Variants in XAB2 observed in about 807,000 individuals in gnomAD.
XAB2 encodes XPA binding protein 2.
Under a neutral mutation model 113.4 loss-of-function variants are expected in XAB2, and 57 were observed. The observed-to-expected ratio is 0.50, with a 90% CI of 0.41 to 0.63. XAB2 has a LOEUF of 0.63. Ranked by LOEUF, XAB2 falls within the 20% of genes least tolerant of loss-of-function variation. The pLI is 0.00. For missense variants in XAB2, 1,037 were observed against 1,233.3 expected (o/e 0.84, Z 2.38); for synonymous variants, 497 against 498.8 (o/e 1.00, Z 0.05).
Position 7,623,632 on chromosome 19 carries a change from C to A in XAB2, c.1119+99G>T. On this transcript the variant is annotated intron_variant, in intron 8 of 18. Transcript: ENST00000358368. This position sits in a 1 kb window ranked among gnomAD's most constrained non-coding sequence, Gnocchi z 4.6. ...TGGAATTGGACCTACTAAGCAAAGTCAGGCCCCTAGAAGGTGACATTATGG... is the reference window on the plus strand; with the variant it reads ...TGGAATTGGACCTACTAAGCAAAGTAAGGCCCCTAGAAGGTGACATTATGG... 1 of 1,468,570 alleles carries A rather than the reference C, an allele frequency of 6.8e-7. No individual in the cohort carries two copies. Among genetic ancestry groups the A allele is most frequent in the South Asian group, 1.3e-5 (1 of 74,242 alleles). 91.0% of individuals were successfully genotyped at this position (1,468,570 alleles called of 1,614,324 possible).
At position 7,629,517 on chromosome 19, in the gene XAB2, A is replaced by G; in HGVS notation, c.11T>C (p.Met4Thr). MVV[M>T]ARLSRPERPD... Reference sequence around the variant, plus strand: ...CCGCTCGGGCCGCGAGAGTCGCGCCATCACCACCATTTTTCTGGATGCCCA... The same window carrying G: ...CCGCTCGGGCCGCGAGAGTCGCGCCGTCACCACCATTTTTCTGGATGCCCA... The change falls in exon 1 of 19, where the codon ATG (methionine) becomes ACG (threonine). Residue 4 changes from methionine to threonine, a missense_variant. Physicochemically the swap from Met to Thr is moderately conservative, Grantham distance 81. Coordinates refer to ENST00000358368, the MANE Select transcript of XAB2 (RefSeq NM_020196.3). 6.2e-7 allele frequency: 1 copy of G among 1,605,454 alleles called. No homozygotes were observed. Among genetic ancestry groups the G allele is most frequent in the African/African-American group, 1.3e-5 (1 of 74,924 alleles).
rs2031088657 is a variant in XAB2 at position 7,623,953 on chromosome 19, C to T, written c.968-71G>A. 6.9e-6 allele frequency: 10 copies of T among 1,459,608 alleles called. No individual in the cohort carries two copies. In the South Asian group the frequency reaches 1.4e-4, roughly 20 times the overall value. 90.4% of individuals were successfully genotyped at this position (1,459,608 alleles called of 1,614,324 possible). ...AGGTCCCCGGATGCCACCGCCTCCA[C>T]TCCCCACCCTCACTCCGCTCCAGCC... is the stretch of plus-strand genomic sequence containing the variant. On this transcript the variant is annotated intron_variant, in intron 7 of 18. Coordinates refer to ENST00000358368, the MANE Select transcript of XAB2 (RefSeq NM_020196.3). The surrounding 1 kb of genome is among the most constrained non-coding windows in gnomAD (Gnocchi z 4.6).
rs373327376 is a variant in XAB2 at position 7,620,041 on chromosome 19, G to C, written c.2301C>G (p.Asp767Glu). 1 of 1,612,300 alleles carries C rather than the reference G, an allele frequency of 6.2e-7. No individual in the cohort carries two copies. The highest frequency in any genetic ancestry group is 1.7e-5 in the Admixed American group (1 of 60,012). ...SDLAPGQSGM[D>E]DMKLLEQRAE... ...CCCGCTGTTCCAGCAGCTTCATGTC[G>C]TCCATGCCACTCTGCCCAGGGGCCA... Residue 767 changes from aspartate (D) to glutamate (E), a missense_variant, in exon 17 of 19, where the codon GAC (aspartate) becomes GAG (glutamate). Asp to Glu is a conservative substitution (Grantham distance 45, BLOSUM62 2). Transcript: ENST00000358368.
Position 7,627,508 on chromosome 19 carries a change from T to A in XAB2, c.325-68A>T. 1 of 1,559,702 alleles carries A rather than the reference T, an allele frequency of 6.4e-7. No homozygotes were observed. The highest frequency in any genetic ancestry group is 1.8e-5 in the Admixed American group (1 of 54,552). ...CCATGGCCTGGCCACAGACACTCGATGTCCTGTGGCTGAGCCACACCTGGG... is the reference window on the plus strand; with the variant it reads ...CCATGGCCTGGCCACAGACACTCGAAGTCCTGTGGCTGAGCCACACCTGGG... On this transcript the variant is annotated intron_variant, in intron 3 of 18. Coordinates refer to ENST00000358368, the MANE Select transcript of XAB2 (RefSeq NM_020196.3). The surrounding 1 kb of genome is among the most constrained non-coding windows in gnomAD (Gnocchi z 4.5).
chr19:7,619,908 C>G, intron 17 of XAB2, 38 bp downstream of exon 17: 2 of 1,609,712 alleles, frequency 1.2e-6, no homozygotes, highest in Non-Finnish European at 1.7e-6. Context: ...CCCTTGGGAC[C>G]TGTCCCAGTC....
At chr19:7,620,509 C>T (rs1377231465) in intron 15 of XAB2, 38 bp downstream of exon 15, 2 of 1,611,162 alleles carry the variant, frequency 1.2e-6, no homozygotes, top group South Asian at 1.1e-5. Context: ...TCCGCCGCAG[C>T]CCCCAACCCT....
intron 12 of XAB2, 146 bp downstream of exon 12, chr19:7,622,185 G>T: frequency 1.3e-6 from 1 of 775,092 alleles, no homozygotes; most frequent in East Asian, 2.7e-5. Flanking sequence ...CAGCCTCCAG[G>T]ACGGGGAGAA....
At chr19:7,626,330 G>A (rs943213717) in intron 4 of XAB2, 60 bp from the exon 5 acceptor site, 66 of 1,579,484 alleles carry the variant, frequency 4.2e-5, no homozygotes, top group Admixed American at 4.1e-4. Context: ...CCCACCTCCC[G>A]ATTCAGTGGC....
chr19:7,619,563 A>AG lies in XAB2; in HGVS notation c.*22dup. ...TAGCTGTATTGGGGAGGGGGTGGGG[A>AG]GGGGGGATGGGGGAGGGACGGGTCA... is the stretch of plus-strand genomic sequence containing the variant. On this transcript the variant is annotated 3_prime_UTR_variant, in exon 19 of 19. Transcript: ENST00000358368. 2 of 598,574 alleles carry AG rather than the reference A, an allele frequency of 3.3e-6. No homozygotes were observed. The highest frequency in any genetic ancestry group is 8.0e-5 in the East Asian group (1 of 12,456). The allele number at this position is 598,574 out of a possible 1,614,324, so 37.1% of individuals were successfully genotyped here.
In XAB2 at chr19:7,623,389, TG is replaced by T. The variant is rs2031076629; in HGVS notation, c.1120-101del. ...GAGGGGTGGGGCCTGGAGGGTGCTG[TG>T]GCCCCTGTCGGGAGAGGCCAGAAAC... is the stretch of plus-strand genomic sequence containing the variant. On this transcript the variant is annotated intron_variant, in intron 8 of 18. Coordinates refer to ENST00000358368, the MANE Select transcript of XAB2 (RefSeq NM_020196.3). The surrounding 1 kb of genome is among the most constrained non-coding windows in gnomAD (Gnocchi z 4.6). The T allele has an allele frequency of 2.0e-6, 3 of 1,501,898 alleles. No individual in the cohort carries two copies. The highest frequency in any genetic ancestry group is 2.7e-6 in the Non-Finnish European group (3 of 1,106,866). The allele number at this position is 1,501,898 out of a possible 1,614,324, so 93.0% of individuals were successfully genotyped here.
Position 7,627,107 on chromosome 19 carries a change from A to G in XAB2, c.522+136T>C. 9.8e-7 allele frequency: 1 copy of G among 1,018,382 alleles called. No individual in the cohort carries two copies. The highest frequency in any genetic ancestry group is 1.4e-6 in the Non-Finnish European group (1 of 696,398). 63.1% of individuals were successfully genotyped at this position (1,018,382 alleles called of 1,614,324 possible). A position where few individuals can be genotyped will look rare whatever the true frequency, so the allele number is the denominator to read the frequency against. On this transcript the variant is annotated intron_variant, in intron 4 of 18. Coordinates refer to ENST00000358368, the MANE Select transcript of XAB2 (RefSeq NM_020196.3). This position sits in a 1 kb window ranked among gnomAD's most constrained non-coding sequence, Gnocchi z 4.5. ...GAAAATAAAGACATGAATCACGGAC[A>G]ACAACAAAACACATGCATCTCCAGG...
Position 7,623,108 on chromosome 19 carries a change from G to A in XAB2, c.1239+62C>T. The A allele has an allele frequency of 6.3e-7, 1 of 1,598,886 alleles. No homozygotes were observed. Among genetic ancestry groups the A allele is most frequent in the Non-Finnish European group, 8.5e-7 (1 of 1,172,180 alleles). On this transcript the variant is annotated intron_variant, in intron 9 of 18. Transcript: ENST00000358368. This position sits in a 1 kb window ranked among gnomAD's most constrained non-coding sequence, Gnocchi z 4.6. The stretch of plus-strand genomic sequence containing the variant: ...CACAAATATGTACACACACATACAT[G>A]CACACATATACAAGCACACACACAT...
intron 4 of XAB2, among the ~76,000 whole-genome samples, chr19:7,626,872 C>G (rs542067048): frequency 1.8e-4 from 27 of 152,326 alleles, no homozygotes; most frequent in East Asian, 1.5e-3. Flanking sequence ...CCGGCTGGTG[C>G]TTCCACTCTC....
rs370348644 is a variant in XAB2, at chr19:7,620,453, G to C, written c.2095-7C>G. 35 of 1,608,134 alleles carry C rather than the reference G, an allele frequency of 2.2e-5. No homozygotes were observed. In the African/African-American group the frequency reaches 3.6e-4, roughly 17 times the overall value. ...GCCAGAACGCGCCGGTCGTCTGCGTGGGGGGCAGGGCAGGGGTGGGTGTGT... is the reference window on the plus strand; with the variant it reads ...GCCAGAACGCGCCGGTCGTCTGCGTCGGGGGCAGGGCAGGGGTGGGTGTGT... On this transcript the variant is annotated splice_polypyrimidine_tract_variant and splice_region_variant and intron_variant, in intron 15 of 18. Transcript: ENST00000358368.
chr19:7,623,589 G>A lies in XAB2; in HGVS notation c.1119+142C>T. The A allele has an allele frequency of 8.1e-7, 1 of 1,238,712 alleles. No homozygotes were observed. Among genetic ancestry groups the A allele is most frequent in the Non-Finnish European group, 1.1e-6 (1 of 903,280 alleles). The allele number at this position is 1,238,712 out of a possible 1,614,324, so 76.7% of individuals were successfully genotyped here. A position where few individuals can be genotyped will look rare whatever the true frequency, so the allele number is the denominator to read the frequency against. ...GAGGGGCGGGGCTCGGGCAGGAGGA[G>A]AACCCCAAGAACAGGGGTGGAATTG... On this transcript the variant is annotated intron_variant, in intron 8 of 18. Transcript: ENST00000358368. The surrounding 1 kb of genome is among the most constrained non-coding windows in gnomAD (Gnocchi z 4.6).
rs764282155 is a variant in XAB2 at position 7,626,290 on chromosome 19, T to C, written c.523-20A>G. 1.3e-5 allele frequency: 20 copies of C among 1,598,962 alleles called. No homozygotes were observed. In the Admixed American group the frequency reaches 3.3e-4, roughly 27 times the overall value. On this transcript the variant is annotated intron_variant, in intron 4 of 18. Coordinates refer to ENST00000358368, the MANE Select transcript of XAB2 (RefSeq NM_020196.3). ...ACTCAGCTGGGGACCGAGCCACCCCTCAGGCAGTCAGTGGGGTGGCAGGGC... is the reference window on the plus strand; with the variant it reads ...ACTCAGCTGGGGACCGAGCCACCCCCCAGGCAGTCAGTGGGGTGGCAGGGC...
At position 7,620,202 on chromosome 19, in the gene XAB2, A is replaced by T. The variant is rs528425713; in HGVS notation, c.2266+73T>A. ...ATTGCCATCAGGATCCGAGGCTCCC[A>T]GACCCGGAAAGCCCAGGTCAGGCCG... On this transcript the variant is annotated intron_variant, in intron 16 of 18. Transcript: ENST00000358368. 5,188 of 1,602,918 alleles carry T rather than the reference A, an allele frequency of 3.2e-3. 15 individuals carry two copies. The highest frequency in any genetic ancestry group is 3.5e-3 in the Non-Finnish European group (4,154 of 1,177,958).
Position 7,627,924 on chromosome 19 carries a change from A to G in XAB2, c.201-73T>C. ...CCCCCAGAACCATTTGCCCTGCCCCAGTTGGCAAATGTGGGAAGAAGGGGT... is the reference window on the plus strand; with the variant it reads ...CCCCCAGAACCATTTGCCCTGCCCCGGTTGGCAAATGTGGGAAGAAGGGGT... On this transcript the variant is annotated intron_variant, in intron 2 of 18. Coordinates refer to ENST00000358368, the MANE Select transcript of XAB2 (RefSeq NM_020196.3). This position sits in a 1 kb window ranked among gnomAD's most constrained non-coding sequence, Gnocchi z 4.5. The G allele has an allele frequency of 6.4e-7, 1 of 1,569,768 alleles. No homozygotes were observed. Among genetic ancestry groups the G allele is most frequent in the Non-Finnish European group, 8.7e-7 (1 of 1,153,822 alleles).
At position 7,626,187 on chromosome 19, in the gene XAB2, G is replaced by T; in HGVS notation, c.606C>A (p.Thr202=). The change falls in exon 5 of 19, where the codon ACC becomes ACA. Residue 202 remains threonine, a synonymous_variant. Coordinates refer to ENST00000358368, the MANE Select transcript of XAB2 (RefSeq NM_020196.3). ...ACACGAAACGCTCGTCGTTCACCAC[G>T]GTGGCCAGGCGCTGGGCGGCCTCAT... ...RLDEAAQRLA[T]VVNDERFVSK... is the part of the protein sequence containing the mutation. The T allele has an allele frequency of 6.2e-7, 1 of 1,613,732 alleles. No individual in the cohort carries two copies. The highest frequency in any genetic ancestry group is 1.1e-5 in the South Asian group (1 of 91,084).
Sources: gnomAD v4.1 joint callset for allele counts (sites outside exome capture counted in the v4.1 genomes callset) on GRCh38, gnomAD v4.1.1 for gene constraint, Gnocchi (gnomAD v3.1) non-coding constraint, MANE v1.5 for transcripts, NCBI Gene and HGNC (gene_info 2026-07-23, HGNC 2026-07-21) for gene names.